Variants in MALRD1 observed in about 807,000 individuals in gnomAD.
MALRD1 encodes the protein MAM and LDL-receptor class A domain-containing protein 1.
Under a neutral mutation model 242.1 loss-of-function variants are expected in MALRD1, and 247 were observed. The ratio of observed to expected loss-of-function variants is 1.02; its 90% CI spans 0.92 to 1.13. The LOEUF (loss-of-function observed/expected upper bound fraction) is 1.13. Among genes scored for constraint, MALRD1 ranks in the 50% most tolerant of loss-of-function variants. The pLI, the probability that MALRD1 is intolerant of heterozygous loss-of-function variation, is 0.00. For missense variants in MALRD1, 2,989 were observed against 2,533.1 expected (o/e 1.18, Z -3.86); for synonymous variants, 995 against 866.6 (o/e 1.15, Z -2.60).
intron 36 of MALRD1, among the ~76,000 whole-genome samples, chr10:19,649,823 T>C (rs1298317052): frequency 6.6e-6 from 1 of 152,128 alleles, no homozygotes; most frequent in East Asian, 1.9e-4. Context: ...AGGATGGTAT[T>C]GCCTAGCTTG....
intron 5 of MALRD1, among the ~76,000 whole-genome samples, chr10:19,116,165 A>G (rs1246484364): frequency 6.6e-6 from 1 of 152,240 alleles, no homozygotes; most frequent in East Asian, 1.9e-4. Context: ...TTGTGATTAA[A>G]TAAGAACATG....
chr10:19,174,284 C>T (rs926158738), intron 13 of MALRD1, among the ~76,000 whole-genome samples: 4 of 152,040 alleles, frequency 2.6e-5, no homozygotes, highest in Non-Finnish European at 4.4e-5. Flanking sequence ...TTATGGCTGG[C>T]TCTCACAAAG....
chr10:19,324,098 C>G lies in MALRD1; in HGVS notation c.3569C>G (p.Ser1190Cys), dbSNP rs559660930. ...CATATGAATGGGGCCACCGTTGGTT[C>G]TCTCCAGGTACTGCTTAGGCAATCA... The part of the protein sequence containing the change: ...WTHMNGATVG[S>C]LQVLIKKDNV... Residue 1190 changes from serine (S) to cysteine (C), a missense_variant, in exon 22 of 40, where the codon TCT becomes TGT. Ser to Cys is a moderately radical substitution (Grantham distance 112, BLOSUM62 -1). Coordinates refer to ENST00000454679, the MANE Select transcript of MALRD1 (RefSeq NM_001142308.3). 4 of 1,550,064 alleles carry G rather than the reference C, an allele frequency of 2.6e-6. No homozygotes were observed. In the African/African-American group the frequency reaches 5.5e-5, roughly 21 times the overall value.
At chr10:19,700,936 T>A (rs1162275006) in intron 38 of MALRD1, among the ~76,000 whole-genome samples, 1 of 152,050 alleles carries the variant, frequency 6.6e-6, no homozygotes, top group African/African-American at 2.4e-5. Context: ...AGGTGAGGGA[T>A]CTTTAGCTCA....
intron 26 of MALRD1, among the ~76,000 whole-genome samples, chr10:19,374,528 T>G (rs1457458997): frequency 1.3e-5 from 2 of 152,230 alleles, no homozygotes; most frequent in African/African-American, 2.4e-5. Context: ...TTTTATTTAG[T>G]ATCACATCTT....
At chr10:19,173,970 GA>G (rs1003124430) in intron 13 of MALRD1, among the ~76,000 whole-genome samples, 1 of 151,664 alleles carries the variant, frequency 6.6e-6, no homozygotes, top group Admixed American at 6.6e-5. Context: ...AGGTTAAAAA[GA>G]AAAAAAATAA....
intron 18 of MALRD1, among the ~76,000 whole-genome samples, chr10:19,254,029 C>T (rs1839405128): frequency 1.3e-5 from 2 of 152,032 alleles, no homozygotes; most frequent in East Asian, 3.9e-4. Flanking sequence ...GACATGTTAT[C>T]TTCTCCTTCT....
chr10:19,428,309 T>C (rs1833979511), intron 28 of MALRD1, among the ~76,000 whole-genome samples: 2 of 152,092 alleles, frequency 1.3e-5, no homozygotes, highest in South Asian at 4.1e-4. Flanking sequence ...CTCTTTTTTC[T>C]TTTCTTAGAC....
At chr10:19,416,208 T>C (rs1833508267) in intron 28 of MALRD1, among the ~76,000 whole-genome samples, 1 of 152,146 alleles carries the variant, frequency 6.6e-6, no homozygotes, top group Non-Finnish European at 1.5e-5. Flanking sequence ...GTTGTGCCAA[T>C]TAAACTAAAT....
chr10:19,209,257 G>C lies in MALRD1; in HGVS notation c.2579-11G>C. ...TAATTATCTTTTGCTTTTATTTCAT[G>C]TGAATTTCAGCACCTGAGCTGCAGT... On this transcript the variant is annotated splice_polypyrimidine_tract_variant and intron_variant, in intron 17 of 39. Coordinates refer to ENST00000454679, the MANE Select transcript of MALRD1 (RefSeq NM_001142308.3). The C allele has an allele frequency of 6.7e-7, 1 of 1,494,614 alleles. No homozygotes were observed. The highest frequency in any genetic ancestry group is 2.5e-5 in the East Asian group (1 of 40,520). 92.6% of individuals were successfully genotyped at this position (1,494,614 alleles called of 1,614,324 possible).
At chr10:19,667,822 T>G (rs377427448) in intron 36 of MALRD1, among the ~76,000 whole-genome samples, 1 of 152,296 alleles carries the variant, frequency 6.6e-6, no homozygotes, top group Middle Eastern at 3.4e-3. Flanking sequence ...GGTAATGTAA[T>G]GATGGCCTGA....
intron 21 of MALRD1, among the ~76,000 whole-genome samples, chr10:19,314,371 T>C (rs548033269): frequency 2.6e-5 from 4 of 151,546 alleles, no homozygotes; most frequent in Non-Finnish European, 5.9e-5. Flanking sequence ...TGAAATATAC[T>C]GTGGAAGATT....
chr10:19,481,113 A>G (rs1225364115), intron 29 of MALRD1, among the ~76,000 whole-genome samples: 1 of 152,176 alleles, frequency 6.6e-6, no homozygotes, highest in Non-Finnish European at 1.5e-5. Context: ...AAACTTCAGG[A>G]AATACTCCTT....
At chr10:19,171,893 A>G (rs1012240998) in intron 13 of MALRD1, among the ~76,000 whole-genome samples, 1 of 142,156 alleles carries the variant, frequency 7.0e-6, no homozygotes, top group Non-Finnish European at 1.5e-5. Context: ...TATATATATG[A>G]TATATATCAC....
intron 31 of MALRD1, among the ~76,000 whole-genome samples, chr10:19,502,172 A>C (rs572105383): frequency 5.9e-5 from 9 of 152,178 alleles, no homozygotes; most frequent in African/African-American, 1.4e-4. Context: ...AAAGGTCTGA[A>C]CTGTTCTTGT....
At chr10:19,561,205 A>G (rs956779110) in intron 32 of MALRD1, among the ~76,000 whole-genome samples, 2 of 152,150 alleles carry the variant, frequency 1.3e-5, no homozygotes, top group Non-Finnish European at 2.9e-5. Context: ...TATGATTTCT[A>G]TTCTTTTAAA....
At chr10:19,396,372 G>A (rs1295379196) in intron 28 of MALRD1, among the ~76,000 whole-genome samples, 1 of 151,798 alleles carries the variant, frequency 6.6e-6, no homozygotes, top group Admixed American at 6.6e-5. Flanking sequence ...TCCTGGCCTC[G>A]TGATTCTCCT....
chr10:19,725,332 G>T (rs768933948), intron 38 of MALRD1, among the ~76,000 whole-genome samples: 53 of 152,256 alleles, frequency 3.5e-4, no homozygotes, highest in Middle Eastern at 3.4e-3. Flanking sequence ...GATGGCTTTA[G>T]ACGGGGCTTT....
intron 18 of MALRD1, among the ~76,000 whole-genome samples, chr10:19,249,663 T>C (rs1839219255): frequency 6.6e-6 from 1 of 152,016 alleles, no homozygotes; most frequent in Non-Finnish European, 1.5e-5. Context: ...CTTATATGAT[T>C]CTAAACAATA....
Sources: gnomAD v4.1 joint callset for allele counts (sites outside exome capture counted in the v4.1 genomes callset) on GRCh38, gnomAD v4.1.1 for gene constraint, MANE v1.5 for transcripts, NCBI Gene and HGNC (gene_info 2026-07-23, HGNC 2026-07-21) for gene names.